Variants in AKAP6 observed in about 807,000 individuals in gnomAD.
AKAP6 encodes A-kinase anchoring protein 6.
AKAP6 carries 58 observed loss-of-function variants against 188.5 expected under a neutral mutation model. The observed-to-expected ratio is 0.31, with a 90% CI of 0.25 to 0.38. AKAP6 has a LOEUF of 0.38. AKAP6 is among the 10% of genes least tolerant of loss of function. AKAP6 has a pLI of 1.00. For synonymous variants in AKAP6, 989 were observed against 998.6 expected (o/e 0.99, Z 0.18); for missense variants, 2,710 against 2,740.0 (o/e 0.99, Z 0.24).
chr14:32,670,407 G>T (rs1175914520), intron 7 of AKAP6, among the ~76,000 whole-genome samples: 1 of 152,110 alleles, frequency 6.6e-6, no homozygotes, highest in Non-Finnish European at 1.5e-5. Flanking sequence ...TCCAGAAGAA[G>T]GAAGCATTCT....
chr14:32,698,374 G>A (rs2139704477), intron 9 of AKAP6, among the ~76,000 whole-genome samples: 1 of 152,254 alleles, frequency 6.6e-6, no homozygotes, highest in African/African-American at 2.4e-5. Flanking sequence ...AGAGACCCCT[G>A]AAGGAGTAAA....
chr14:32,523,132 A>G (rs947857948), intron 2 of AKAP6, among the ~76,000 whole-genome samples: 5 of 149,482 alleles, frequency 3.3e-5, no homozygotes, highest in Admixed American at 6.7e-5. Context: ...AACAATGAGA[A>G]CACTTGGACA....
chr14:32,704,035 G>T (rs909482605), intron 9 of AKAP6, among the ~76,000 whole-genome samples: 67 of 152,304 alleles, frequency 4.4e-4, no homozygotes, highest in African/African-American at 7.0e-4. Flanking sequence ...TGCCAGCCAA[G>T]AGAGGTAGAG....
intron 2 of AKAP6, among the ~76,000 whole-genome samples, chr14:32,505,892 A>G (rs1594686963): frequency 6.6e-6 from 1 of 151,992 alleles, no homozygotes; most frequent in East Asian, 1.9e-4. Flanking sequence ...CATGCTTTTT[A>G]TGGTAGATTT....
At chr14:32,689,912 T>C (rs368514906) in intron 8 of AKAP6, among the ~76,000 whole-genome samples, 4 of 152,040 alleles carry the variant, frequency 2.6e-5, no homozygotes, top group Non-Finnish European at 5.9e-5. Context: ...TAGTGAATAT[T>C]TGGGGAAGGA....
chr14:32,561,872 T>C (rs1883972187), intron 4 of AKAP6, among the ~76,000 whole-genome samples: 1 of 152,246 alleles, frequency 6.6e-6, no homozygotes. Context: ...GTCATTGTGA[T>C]GCCTTAAAAT....
chr14:32,509,194 G>A (rs1210973985), intron 2 of AKAP6, among the ~76,000 whole-genome samples: 1 of 144,016 alleles, frequency 6.9e-6, no homozygotes, highest in Non-Finnish European at 1.5e-5. Flanking sequence ...GCGCGATCTC[G>A]GCTCACTGCA....
intron 2 of AKAP6, among the ~76,000 whole-genome samples, chr14:32,490,748 C>T (rs1473617706): frequency 6.6e-6 from 1 of 152,148 alleles, no homozygotes; most frequent in East Asian, 1.9e-4. Flanking sequence ...AAATGTCTTA[C>T]TTCTGTAAAT....
In AKAP6 at chr14:32,546,112, G is replaced by C; in HGVS notation, c.1459G>C (p.Asp487His). Residue 487 changes from aspartate (D) to histidine (H), a missense_variant, in exon 4 of 14, where the codon GAC becomes CAC. This residue lies in a region of AKAP6 where 2,473 missense variants were observed against 2,426.1 expected (regional missense o/e 1.02). Transcript: ENST00000280979. ...EISSSLGRLN[D>H]CYKEKSRLKK... is the part of the protein sequence containing the mutation. ...TTCTTCCAGCCTGGGAAGGCTTAAC[G>C]ACTGCTATAAAGAGAAATCTCGACT... is the stretch of plus-strand genomic sequence containing the variant. 6.2e-7 allele frequency: 1 copy of C among 1,614,090 alleles called. No individual in the cohort carries two copies. The highest frequency in any genetic ancestry group is 2.2e-5 in the East Asian group (1 of 44,882).
chr14:32,364,674 A>C (rs1407252090), intron 1 of AKAP6, among the ~76,000 whole-genome samples: 3 of 152,162 alleles, frequency 2.0e-5, no homozygotes, highest in Non-Finnish European at 2.9e-5. Context: ...TGAAGTGTAG[A>C]TATTTCAAGG....
chr14:32,492,032 G>A (rs1880043317), intron 2 of AKAP6, among the ~76,000 whole-genome samples: 1 of 151,950 alleles, frequency 6.6e-6, no homozygotes, highest in Admixed American at 6.6e-5. Context: ...TTATTATCCA[G>A]TTACATCTCT....
intron 11 of AKAP6, among the ~76,000 whole-genome samples, chr14:32,741,138 G>T (rs61693948): frequency 0.072 from 10,852 of 149,928 alleles, 875 homozygotes; most frequent in East Asian, 0.37. Flanking sequence ...TTAGGCTATT[G>T]TAAATGGTAT....
At chr14:32,794,073 T>G (rs1441440536) in intron 12 of AKAP6, among the ~76,000 whole-genome samples, 1 of 152,188 alleles carries the variant, frequency 6.6e-6, no homozygotes, top group Non-Finnish European at 1.5e-5. Context: ...TGCATGGCAC[T>G]TACTCTAAAA....
chr14:32,705,240 A>G (rs1890764888), intron 9 of AKAP6, among the ~76,000 whole-genome samples: 1 of 152,184 alleles, frequency 6.6e-6, no homozygotes. Context: ...TTTGGGGTAA[A>G]GAAGAATGCA....
intron 2 of AKAP6, among the ~76,000 whole-genome samples, chr14:32,520,012 C>G (rs1039251060): frequency 2.0e-5 from 3 of 152,158 alleles, no homozygotes; most frequent in African/African-American, 7.2e-5. Flanking sequence ...GACCACAAGG[C>G]AATCAAATTA....
At chr14:32,512,406 G>C (rs1881306103) in intron 2 of AKAP6, among the ~76,000 whole-genome samples, 1 of 152,140 alleles carries the variant, frequency 6.6e-6, no homozygotes, top group Non-Finnish European at 1.5e-5. Flanking sequence ...TAATCTGGAG[G>C]TTTAGAAAGT....
At chr14:32,767,549 G>A (rs573406062) in intron 11 of AKAP6, among the ~76,000 whole-genome samples, 1 of 152,118 alleles carries the variant, frequency 6.6e-6, no homozygotes, top group African/African-American at 2.4e-5. Context: ...CACTCAATAA[G>A]TACATTTGGA....
intron 12 of AKAP6, among the ~76,000 whole-genome samples, chr14:32,796,679 G>T (rs112874837): frequency 2.0e-5 from 3 of 152,054 alleles, no homozygotes; most frequent in Non-Finnish European, 4.4e-5. Context: ...CTATAAAAAC[G>T]CTAGGAGAAA....
intron 7 of AKAP6, among the ~76,000 whole-genome samples, chr14:32,635,311 T>G (rs891430750): frequency 4.6e-5 from 7 of 152,038 alleles, no homozygotes; most frequent in Non-Finnish European, 4.4e-5. Flanking sequence ...TGAGTCATAG[T>G]TAGAGTAAAA....
Sources: gnomAD v4.1 joint callset for allele counts (sites outside exome capture counted in the v4.1 genomes callset) on GRCh38, gnomAD v4.1.1 for gene constraint, gnomAD v4.1.1 regional missense constraint, MANE v1.5 for transcripts, NCBI Gene and HGNC (gene_info 2026-07-23, HGNC 2026-07-21) for gene names.